The following MAPKAP1 variants were observed in gnomAD, a reference collection of about 807,000 sequenced individuals.
The protein encoded by MAPKAP1 is MAPK associated protein 1, also known as target of rapamycin complex 2 subunit MAPKAP1.
A neutral mutation model predicts 65.7 loss-of-function variants in MAPKAP1; 20 were observed. That is an observed-to-expected ratio of 0.30 (90% CI 0.21 to 0.44). The LOEUF (loss-of-function observed/expected upper bound fraction) is 0.44. MAPKAP1 is among the 20% of genes least tolerant of loss of function. The pLI is 1.00. For synonymous variants in MAPKAP1, 222 were observed against 244.3 expected, an observed-to-expected ratio of 0.91 and a Z score of 0.85; for missense variants, 423 against 648.0, an observed-to-expected ratio of 0.65 and a Z score of 3.77.
At chr9:125,636,307 A>G (rs554455474) in intron 4 of MAPKAP1, among the ~76,000 whole-genome samples, 1 of 152,358 alleles carries the variant, frequency 6.6e-6, no homozygotes, top group African/African-American at 2.4e-5. Context: ...TATACAGAAG[A>G]GAAAAAAAAT....
At chr9:125,465,242 T>G (rs1398218205) in intron 10 of MAPKAP1, among the ~76,000 whole-genome samples, 9 of 152,240 alleles carry the variant, frequency 5.9e-5, no homozygotes, top group Non-Finnish European at 8.8e-5. Context: ...AGAACAATTT[T>G]TGATGTAAAC....
chr9:125,683,932 T>C (rs1834897522), intron 1 of MAPKAP1, among the ~76,000 whole-genome samples: 2 of 152,186 alleles, frequency 1.3e-5, no homozygotes. Flanking sequence ...GTGCTGGCCT[T>C]TGGTAATGAT....
intron 4 of MAPKAP1, among the ~76,000 whole-genome samples, chr9:125,594,449 G>A (rs1158392865): frequency 6.6e-6 from 1 of 152,176 alleles, no homozygotes; most frequent in African/African-American, 2.4e-5. Context: ...CTAGACCTTA[G>A]ACTTTGGGAA....
chr9:125,668,527 T>C (rs1366104334), intron 3 of MAPKAP1, among the ~76,000 whole-genome samples: 1 of 152,164 alleles, frequency 6.6e-6, no homozygotes, highest in African/African-American at 2.4e-5. Context: ...GCTGGGAGGA[T>C]ACAGAAGACA....
intron 3 of MAPKAP1, among the ~76,000 whole-genome samples, chr9:125,667,045 GAA>G (rs1834359285): frequency 3.3e-5 from 5 of 152,308 alleles, no homozygotes; most frequent in African/African-American, 1.2e-4. Flanking sequence ...GTGAGACACA[GAA>G]AAGAGAGAGA....
chr9:125,561,325 CTCAG>C (rs1290876464), intron 5 of MAPKAP1, among the ~76,000 whole-genome samples: 9 of 152,168 alleles, frequency 5.9e-5, no homozygotes, highest in Non-Finnish European at 1.2e-4. Context: ...GCGATCTATA[CTCAG>C]TGAGTCTGTC....
At chr9:125,508,802 G>T (rs899023415) in intron 7 of MAPKAP1, among the ~76,000 whole-genome samples, 1 of 152,112 alleles carries the variant, frequency 6.6e-6, no homozygotes, top group Non-Finnish European at 1.5e-5. Flanking sequence ...AATGAGCTAT[G>T]ACTGTGCCAC....
At chr9:125,646,597 T>A (rs1833732088) in intron 4 of MAPKAP1, among the ~76,000 whole-genome samples, 1 of 152,240 alleles carries the variant, frequency 6.6e-6, no homozygotes, top group South Asian at 2.1e-4. Context: ...CTAGATTTTA[T>A]GAATTTTGTT....
At position 125,543,182 on chromosome 9, in the gene MAPKAP1, C is replaced by T; in HGVS notation, c.849-14G>A. On this transcript the variant is annotated splice_polypyrimidine_tract_variant and intron_variant, in intron 6 of 11. Coordinates refer to ENST00000265960, the MANE Select transcript of MAPKAP1 (RefSeq NM_001006617.3). Reference sequence around the variant, plus strand: ...TGAGCAGCATTTCTGTAGGAAAAGACAAATATTAAATCATCACCAACATTC... The same window carrying T: ...TGAGCAGCATTTCTGTAGGAAAAGATAAATATTAAATCATCACCAACATTC... 6.5e-7 allele frequency: 1 copy of T among 1,542,580 alleles called. No homozygotes were observed. Among genetic ancestry groups the T allele is most frequent in the Non-Finnish European group, 9.0e-7 (1 of 1,114,862 alleles).
chr9:125,698,649 T>C (rs1455935414), intron 1 of MAPKAP1, among the ~76,000 whole-genome samples: 1 of 151,838 alleles, frequency 6.6e-6, no homozygotes, highest in Non-Finnish European at 1.5e-5. Context: ...GCCCGGTAGC[T>C]CTATATTTTT....
At chr9:125,542,963 A>G (rs2133170409) in intron 7 of MAPKAP1, 96 bp downstream of exon 7, 1 of 876,714 alleles carries the variant, frequency 1.1e-6, no homozygotes, top group African/African-American at 1.6e-5. Flanking sequence ...TGACATCTGA[A>G]AGAATCTAGC....
intron 1 of MAPKAP1, among the ~76,000 whole-genome samples, chr9:125,704,248 A>G (rs546708187): frequency 3.3e-5 from 5 of 152,316 alleles, no homozygotes; most frequent in Admixed American, 2.0e-4. Context: ...CATAAACTCA[A>G]GGAAGTTATT....
chr9:125,568,396 G>T (rs1431842495), intron 5 of MAPKAP1, among the ~76,000 whole-genome samples: 3 of 152,156 alleles, frequency 2.0e-5, no homozygotes, highest in Non-Finnish European at 4.4e-5. Context: ...GGGACTGCTA[G>T]AAAAGGTCCG....
At chr9:125,569,395 G>A (rs1344159572) in intron 5 of MAPKAP1, among the ~76,000 whole-genome samples, 5 of 152,142 alleles carry the variant, frequency 3.3e-5, no homozygotes, top group Non-Finnish European at 5.9e-5. Context: ...GTGGCGGTCC[G>A]GGTTCAATTC....
intron 7 of MAPKAP1, among the ~76,000 whole-genome samples, chr9:125,521,295 T>A (rs978522473): frequency 9.1e-6 from 1 of 109,300 alleles, no homozygotes; most frequent in East Asian, 2.2e-4. Flanking sequence ...AAAAAGGAAA[T>A]TTTTTTTTCT....
intron 4 of MAPKAP1, among the ~76,000 whole-genome samples, chr9:125,599,006 T>C (rs561861415): frequency 4.1e-5 from 6 of 146,206 alleles, no homozygotes; most frequent in Non-Finnish European, 7.5e-5. Context: ...CACTCTAGCC[T>C]GGGTGACAAG....
intron 3 of MAPKAP1, among the ~76,000 whole-genome samples, chr9:125,659,631 C>T (rs1834128442): frequency 6.6e-6 from 1 of 151,712 alleles, no homozygotes; most frequent in Non-Finnish European, 1.5e-5. Context: ...AACAGCTCTC[C>T]AGCAATTCTC....
At chr9:125,501,707 G>T (rs576412646) in intron 8 of MAPKAP1, among the ~76,000 whole-genome samples, 23 of 152,006 alleles carry the variant, frequency 1.5e-4, no homozygotes, top group African/African-American at 2.2e-4. Flanking sequence ...AGAATATTCA[G>T]GTTTTCTATT....
intron 6 of MAPKAP1, among the ~76,000 whole-genome samples, 174 bp from the exon 7 acceptor site, chr9:125,543,342 C>G (rs1341243134): frequency 6.6e-6 from 1 of 152,140 alleles, no homozygotes; most frequent in Non-Finnish European, 1.5e-5. Flanking sequence ...TCTCGGCTCA[C>G]TGCAAGATCC....
Sources: allele counts gnomAD v4.1 joint callset (sites outside exome capture counted in the v4.1 genomes callset), GRCh38; gene constraint gnomAD v4.1.1; transcripts MANE v1.5; gene names NCBI Gene and HGNC (gene_info 2026-07-23, HGNC 2026-07-21).